ZDHHC15: variants seen among roughly 807,000 people sequenced by gnomAD.
The protein encoded by ZDHHC15 is zDHHC palmitoyltransferase 15.
A neutral mutation model predicts 31.7 loss-of-function variants in ZDHHC15; 19 were observed. The observed-to-expected ratio is 0.60, with a 90% CI of 0.42 to 0.88. The LOEUF is 0.88. Among genes scored for constraint, ZDHHC15 ranks in the 40% least tolerant of loss-of-function variants. The probability of loss-of-function intolerance (pLI) is 0.00; values close to 1 mark genes in which losing one functional copy is unlikely to be tolerated. For synonymous variants in ZDHHC15, 103 were observed against 90.0 expected, an observed-to-expected ratio of 1.14 and a Z score of -0.82; for missense variants, 209 against 251.2, an observed-to-expected ratio of 0.83 and a Z score of 1.14.
rs373026498 is a variant in ZDHHC15 at position 75,411,460 on chromosome X, C to T, written c.967+5627G>A. Among the ~76,000 whole-genome samples the T allele has an allele frequency of 5.3e-5, 6 of 112,701 alleles. No homozygotes were observed. The East Asian group carries it at 1.1e-3, about 21-fold the overall frequency. On this transcript the variant is annotated intron_variant, in intron 10 of 11. Coordinates refer to ENST00000373367, the MANE Select transcript of ZDHHC15 (RefSeq NM_144969.3). ...ATCTCCTGACCTCGTGATCCGCCCGCCTCGGCCTCTCAAAGTGCTGGGATT... is the reference window on the plus strand; with the variant it reads ...ATCTCCTGACCTCGTGATCCGCCCGTCTCGGCCTCTCAAAGTGCTGGGATT...
chrX:75,374,687 G>GTGTGTGTGTA (rs745526466), intron 11 of ZDHHC15, among the ~76,000 whole-genome samples: 1,508 of 91,639 alleles, frequency 0.016, 36 homozygotes, highest in African/African-American at 0.054. Flanking sequence ...GTGTGTGTGT[G>GTGTGTGTGTA]TATATATATA....
In ZDHHC15 at chrX:75,369,645, A is replaced by T. The variant is rs899156995; in HGVS notation, c.*3333T>A. On this transcript the variant is annotated 3_prime_UTR_variant, in exon 12 of 12. Coordinates refer to ENST00000373367, the MANE Select transcript of ZDHHC15 (RefSeq NM_144969.3). ...CCACAGGAGGTAATGGCACTGGTTG[A>T]TGCCACATAGTGTGAAAAATATGTG... 1 of 111,795 alleles carries T rather than the reference A, an allele frequency of 8.9e-6. No homozygotes were observed. Among genetic ancestry groups the T allele is most frequent in the East Asian group, 2.8e-4 (1 of 3,555 alleles). The allele number at this position is 111,795 out of a possible 1,213,427, so 9.2% of individuals were successfully genotyped here.
intron 1 of ZDHHC15, among the ~76,000 whole-genome samples, chrX:75,516,757 G>T (rs961057253): frequency 7.2e-5 from 8 of 111,858 alleles, no homozygotes; most frequent in Admixed American, 2.8e-4. Context: ...AAACTAAAGA[G>T]CTTCTGCACA....
At chrX:75,435,104 T>C (rs776394213) in intron 4 of ZDHHC15, among the ~76,000 whole-genome samples, 1 of 111,990 alleles carries the variant, frequency 8.9e-6, no homozygotes, top group East Asian at 2.8e-4. Flanking sequence ...TTTTCTGCTA[T>C]AGTAAAAGTA....
chrX:75,464,819 G>A (rs1457601458), intron 3 of ZDHHC15, among the ~76,000 whole-genome samples: 1 of 111,505 alleles, frequency 9.0e-6, no homozygotes, highest in Non-Finnish European at 1.9e-5. Context: ...AATAATAAGA[G>A]CCATTTATCA....
intron 1 of ZDHHC15, among the ~76,000 whole-genome samples, chrX:75,513,196 C>T (rs1307555698): frequency 9.0e-6 from 1 of 111,606 alleles, no homozygotes; most frequent in Non-Finnish European, 1.9e-5. Flanking sequence ...TAGAAGAAAA[C>T]CTAGGCATTA....
intron 3 of ZDHHC15, among the ~76,000 whole-genome samples, chrX:75,474,778 C>T (rs1486009524): frequency 9.1e-6 from 1 of 110,292 alleles, no homozygotes; most frequent in Non-Finnish European, 1.9e-5. Context: ...AATGAGTTGG[C>T]CGGGCGCGGT....
chrX:75,483,848 C>T (rs150811049), intron 2 of ZDHHC15, among the ~76,000 whole-genome samples: 4 of 111,378 alleles, frequency 3.6e-5, no homozygotes, highest in African/African-American at 6.5e-5. Flanking sequence ...CCCACACACA[C>T]ACAAAGCAGA....
chrX:75,397,859 T>C (rs1300191490), intron 10 of ZDHHC15, among the ~76,000 whole-genome samples: 1 of 111,829 alleles, frequency 8.9e-6, no homozygotes, highest in Non-Finnish European at 1.9e-5. Context: ...TTTGCAACCC[T>C]TGGGTAAGGA....
chrX:75,473,268 T>C (rs2124691), intron 3 of ZDHHC15, among the ~76,000 whole-genome samples: 20,340 of 111,316 alleles, frequency 0.18, 1,964 homozygotes, highest in East Asian at 0.85. Context: ...GGCATAGTTC[T>C]CCAGAAGGCC....
intron 10 of ZDHHC15, among the ~76,000 whole-genome samples, chrX:75,381,616 A>G (rs1336359735): frequency 1.8e-5 from 2 of 111,737 alleles, no homozygotes; most frequent in Non-Finnish European, 1.9e-5. Flanking sequence ...AAGATCATAA[A>G]CTTAATAGCT....
chrX:75,435,296 G>C, intron 4 of ZDHHC15, among the ~76,000 whole-genome samples: 1 of 111,716 alleles, frequency 9.0e-6, no homozygotes, highest in Non-Finnish European at 1.9e-5. Context: ...AACAGTGACT[G>C]TTTGACTTCC....
At chrX:75,477,137 TGTTA>T (rs1439540014) in intron 3 of ZDHHC15, among the ~76,000 whole-genome samples, 1 of 111,903 alleles carries the variant, frequency 8.9e-6, no homozygotes, top group Non-Finnish European at 1.9e-5. Flanking sequence ...TTGATTCATT[TGTTA>T]AGCATGTGTT....
At chrX:75,486,895 T>C (rs1262310720) in intron 2 of ZDHHC15, among the ~76,000 whole-genome samples, 1 of 111,442 alleles carries the variant, frequency 9.0e-6, no homozygotes, top group African/African-American at 3.3e-5. Context: ...ATGCTGGTTT[T>C]TCTTTAACTG....
chrX:75,397,515 C>T (rs937041783), intron 10 of ZDHHC15, among the ~76,000 whole-genome samples: 3 of 96,264 alleles, frequency 3.1e-5, no homozygotes, highest in Non-Finnish European at 6.3e-5. Flanking sequence ...ATATATACAC[C>T]TAGTATGTAC....
At chrX:75,428,598 T>A (rs970650955) in intron 7 of ZDHHC15, among the ~76,000 whole-genome samples, 2 of 111,595 alleles carry the variant, frequency 1.8e-5, no homozygotes, top group Non-Finnish European at 3.8e-5. Context: ...CCCCATTATG[T>A]GAGATAGGTC....
In ZDHHC15 at chrX:75,445,519, C is replaced by G. The variant is rs1278526348; in HGVS notation, c.379+5283G>C. Among the ~76,000 whole-genome samples the G allele has an allele frequency of 5.4e-5, 6 of 111,931 alleles. No individual in the cohort carries two copies. The Admixed American group carries it at 5.7e-4, about 11-fold the overall frequency. On this transcript the variant is annotated intron_variant, in intron 4 of 11. Transcript: ENST00000373367. ...TGACTGAACAAAGTGCTAAAAGAAA[C>G]AGATGAGTTCAGGAATTCCCAGCCA...
At chrX:75,374,162 A>G (rs1480938732) in intron 11 of ZDHHC15, among the ~76,000 whole-genome samples, 3 of 109,265 alleles carry the variant, frequency 2.7e-5, no homozygotes, top group Non-Finnish European at 3.8e-5. Flanking sequence ...GTTCTCACTC[A>G]TAAGTGGGAG....
At chrX:75,469,001 TC>T (rs1478454456) in intron 3 of ZDHHC15, among the ~76,000 whole-genome samples, 1 of 111,911 alleles carries the variant, frequency 8.9e-6, no homozygotes, top group Non-Finnish European at 1.9e-5. Context: ...TTTCTCCCAT[TC>T]TTTGGATGAT....
Sources: gnomAD v4.1 joint callset for allele counts (sites outside exome capture counted in the v4.1 genomes callset) on GRCh38, gnomAD v4.1.1 for gene constraint, MANE v1.5 for transcripts, NCBI Gene and HGNC (gene_info 2026-07-23, HGNC 2026-07-21) for gene names.